The following RETREG1 variants were observed in gnomAD, a reference collection of about 807,000 sequenced individuals.
RETREG1 encodes the protein family with sequence similarity 134 member B.
A neutral mutation model predicts 54.8 loss-of-function variants in RETREG1; 44 were observed. The observed-to-expected ratio is 0.80, with a 90% CI of 0.63 to 1.03. The LOEUF is 1.03. Ranked by LOEUF, RETREG1 falls within the 50% of genes least tolerant of loss-of-function variation. The pLI is 0.00. For synonymous variants in RETREG1, 217 were observed against 238.5 expected, an observed-to-expected ratio of 0.91 and a Z score of 0.83; for missense variants, 554 against 605.1, an observed-to-expected ratio of 0.92 and a Z score of 0.89.
At chr5:16,592,493 A>C (rs540952217) in intron 1 of RETREG1, among the ~76,000 whole-genome samples, 1 of 151,114 alleles carries the variant, frequency 6.6e-6, no homozygotes, top group South Asian at 2.1e-4. Flanking sequence ...GCAGTATGGC[A>C]GTTCCTCAAA....
intron 3 of RETREG1, among the ~76,000 whole-genome samples, chr5:16,514,738 C>T (rs898807619): frequency 2.6e-5 from 4 of 151,860 alleles, no homozygotes; most frequent in East Asian, 2.0e-4. Context: ...TATGCCTCTG[C>T]GTCCTCATAG....
chr5:16,609,769 G>A (rs542252652), intron 1 of RETREG1, among the ~76,000 whole-genome samples: 11 of 152,296 alleles, frequency 7.2e-5, no homozygotes, highest in African/African-American at 2.6e-4. Flanking sequence ...ATCCTGGGGA[G>A]GGGCCTACAT....
At chr5:16,607,342 T>C (rs1249538481) in intron 1 of RETREG1, among the ~76,000 whole-genome samples, 1 of 151,944 alleles carries the variant, frequency 6.6e-6, no homozygotes, top group Non-Finnish European at 1.5e-5. Flanking sequence ...CAGGAAATAT[T>C]TGTCATATTT....
intron 3 of RETREG1, among the ~76,000 whole-genome samples, chr5:16,562,557 C>A (rs905956537): frequency 6.6e-6 from 1 of 152,136 alleles, no homozygotes; most frequent in Non-Finnish European, 1.5e-5. Flanking sequence ...TTAAGAGAAC[C>A]AACTTAGAGA....
intron 4 of RETREG1, among the ~76,000 whole-genome samples, chr5:16,481,857 T>C (rs1272306991): frequency 6.6e-6 from 1 of 152,060 alleles, no homozygotes; most frequent in African/African-American, 2.4e-5. Context: ...TACCATAAAG[T>C]CTTCACCTGA....
intron 3 of RETREG1, among the ~76,000 whole-genome samples, chr5:16,501,544 T>C (rs1739714353): frequency 6.6e-6 from 1 of 152,114 alleles, no homozygotes; most frequent in Admixed American, 6.5e-5. Flanking sequence ...TTTATTTTTA[T>C]TTATTTATTT....
intron 1 of RETREG1, among the ~76,000 whole-genome samples, chr5:16,602,572 A>G (rs1743080232): frequency 6.6e-6 from 1 of 152,186 alleles, no homozygotes; most frequent in Admixed American, 6.5e-5. Context: ...ATATATGAAC[A>G]ATACTTACAT....
At chr5:16,608,961 G>GA (rs1369697013) in intron 1 of RETREG1, among the ~76,000 whole-genome samples, 1 of 152,118 alleles carries the variant, frequency 6.6e-6, no homozygotes, top group Non-Finnish European at 1.5e-5. Context: ...TGAATTTAGG[G>GA]AAAATGGACG....
intron 5 of RETREG1, 68 bp from the exon 6 acceptor site, chr5:16,479,055 TCACA>T: frequency 1.4e-6 from 2 of 1,461,016 alleles, no homozygotes; most frequent in Non-Finnish European, 1.9e-6. Flanking sequence ...TTTCAGTATT[TCACA>T]AAATACTACA....
At chr5:16,586,608 C>T (rs765217389) in intron 1 of RETREG1, among the ~76,000 whole-genome samples, 1 of 152,160 alleles carries the variant, frequency 6.6e-6, no homozygotes, top group African/African-American at 2.4e-5. Flanking sequence ...CACTGGACTG[C>T]GAAGGTGTCT....
intron 1 of RETREG1, 57 bp downstream of exon 1, chr5:16,616,595 C>A (rs761518700): frequency 3.9e-4 from 607 of 1,540,352 alleles, no homozygotes; most frequent in Non-Finnish European, 5.0e-4. Context: ...CCCGGGGCCC[C>A]GGGCGCCCCA....
At position 16,561,763 on chromosome 5, in the gene RETREG1, G is replaced by A. The variant is rs1227028637; in HGVS notation, c.458+4000C>T. Among the ~76,000 whole-genome samples, 1 of 152,204 alleles carries A rather than the reference G, an allele frequency of 6.6e-6. No homozygotes were observed. Among genetic ancestry groups the A allele is most frequent in the Non-Finnish European group, 1.5e-5 (1 of 68,026 alleles). The stretch of plus-strand genomic sequence containing the variant: ...CAAACAGCTTCTGTATTAAGAGACA[G>A]CACAGCAGAAATTCTCACATGCAAA... On this transcript the variant is annotated intron_variant, in intron 3 of 8. Coordinates refer to ENST00000306320, the MANE Select transcript of RETREG1 (RefSeq NM_001034850.3). This position sits in a 1 kb window ranked among gnomAD's most constrained non-coding sequence, Gnocchi z 4.2.
At chr5:16,503,662 C>CAA (rs1330647063) in intron 3 of RETREG1, among the ~76,000 whole-genome samples, 6 of 91,696 alleles carry the variant, frequency 6.5e-5, no homozygotes, top group Admixed American at 2.2e-4. Flanking sequence ...GACTCCATCT[C>CAA]AAAAAAAAAA....
intron 3 of RETREG1, among the ~76,000 whole-genome samples, chr5:16,506,421 A>C (rs1188686141): frequency 6.6e-6 from 1 of 152,050 alleles, no homozygotes; most frequent in East Asian, 1.9e-4. Flanking sequence ...ATGGCATTTC[A>C]TCTCGAAGGT....
At chr5:16,508,910 G>A in intron 3 of RETREG1, 1 of 1,239,180 alleles carries the variant, frequency 8.1e-7, no homozygotes, top group Non-Finnish European at 1.0e-6. Flanking sequence ...GTGACAGGCG[G>A]CTGGAAGTGA....
intron 1 of RETREG1, among the ~76,000 whole-genome samples, chr5:16,606,225 T>C (rs549965212): frequency 6.6e-6 from 1 of 152,274 alleles, no homozygotes; most frequent in Non-Finnish European, 1.5e-5. Flanking sequence ...GCAAGTCAAG[T>C]ACTGGATGAC....
chr5:16,549,357 C>T (rs1384168629), intron 3 of RETREG1, among the ~76,000 whole-genome samples: 2 of 152,048 alleles, frequency 1.3e-5, no homozygotes, highest in Non-Finnish European at 2.9e-5. Context: ...GGGATCACTT[C>T]CCCCCCTATT....
intron 3 of RETREG1, among the ~76,000 whole-genome samples, chr5:16,555,620 G>GT (rs1372164936): frequency 6.6e-6 from 1 of 152,152 alleles, no homozygotes; most frequent in African/African-American, 2.4e-5. Context: ...TAATTTCTAG[G>GT]TGATGAGTCT....
At chr5:16,514,423 T>G (rs1440114779) in intron 3 of RETREG1, among the ~76,000 whole-genome samples, 1 of 152,240 alleles carries the variant, frequency 6.6e-6, no homozygotes, top group Non-Finnish European at 1.5e-5. Flanking sequence ...ATATTTTCAT[T>G]TTGGAATTTG....
Sources: allele counts gnomAD v4.1 joint callset (sites outside exome capture counted in the v4.1 genomes callset), GRCh38; gene constraint gnomAD v4.1.1; non-coding constraint Gnocchi (gnomAD v3.1); transcripts MANE v1.5; gene names NCBI Gene and HGNC (gene_info 2026-07-23, HGNC 2026-07-21).